NMNAT2: variants seen among roughly 807,000 people sequenced by gnomAD.
NMNAT2 encodes the protein nicotinamide/nicotinic acid mononucleotide adenylyltransferase 2.
In NMNAT2, 11 loss-of-function variants were observed where a neutral mutation model predicts 41.6. The ratio of observed to expected loss-of-function variants is 0.26; its 90% CI spans 0.17 to 0.44. NMNAT2 has a LOEUF of 0.44. Among genes scored for constraint, NMNAT2 ranks in the 20% least tolerant of loss-of-function variants. NMNAT2 has a pLI of 1.00. For missense variants in NMNAT2, 288 were observed against 407.7 expected (o/e 0.71, Z 2.53); for synonymous variants, 148 against 151.2 (o/e 0.98, Z 0.16).
chr1:183,278,435 T>C (rs1310089220), intron 8 of NMNAT2, 118 bp downstream of exon 8: 1 of 668,686 alleles, frequency 1.5e-6, no homozygotes, highest in African/African-American at 1.8e-5. Context: ...CATAGTGATG[T>C]GAACGGACTG....
chr1:183,362,625 A>G (rs1189925543), intron 1 of NMNAT2, among the ~76,000 whole-genome samples: 1 of 152,242 alleles, frequency 6.6e-6, no homozygotes, highest in Non-Finnish European at 1.5e-5. Flanking sequence ...TTATGGCTGA[A>G]TAATATTCCA....
chr1:183,382,576 A>G (rs903907708), intron 1 of NMNAT2, among the ~76,000 whole-genome samples: 1 of 152,236 alleles, frequency 6.6e-6, no homozygotes, highest in Non-Finnish European at 1.5e-5. Context: ...ATAGTTAGTT[A>G]CTTCCAAGAT....
chr1:183,261,448 TC>T (rs1304735695), intron 8 of NMNAT2, 145 bp from the exon 9 acceptor site: 1 of 694,970 alleles, frequency 1.4e-6, no homozygotes, highest in Non-Finnish European at 2.6e-6. Flanking sequence ...CTCAGCCCCA[TC>T]AGCCAGCTCC....
At chr1:183,274,099 G>C (rs1661063668) in intron 8 of NMNAT2, among the ~76,000 whole-genome samples, 1 of 151,700 alleles carries the variant, frequency 6.6e-6, no homozygotes, top group Non-Finnish European at 1.5e-5. Flanking sequence ...TTTTAGTAGA[G>C]ATGGGGTTTT....
At chr1:183,409,025 T>C (rs924683506) in intron 1 of NMNAT2, among the ~76,000 whole-genome samples, 9 of 152,268 alleles carry the variant, frequency 5.9e-5, no homozygotes, top group African/African-American at 2.2e-4. Flanking sequence ...TTCACCTCTC[T>C]GTGGGTACTA....
rs370035847 is a variant in NMNAT2, at chr1:183,393,413, T to C, written c.85+24770A>G. 3.3e-5 allele frequency among the ~76,000 whole-genome samples: 5 copies of C among 152,044 alleles called. No homozygotes were observed. The East Asian group carries it at 9.7e-4, about 29-fold the overall frequency. ...CCAGATGATGAGTGCAAACTTGGGA[T>C]GAACCTTGGAGTAAATCCTAAGTCC... On this transcript the variant is annotated intron_variant, in intron 1 of 10. Coordinates refer to ENST00000287713, the MANE Select transcript of NMNAT2 (RefSeq NM_015039.4).
At position 183,290,567 on chromosome 1, in the gene NMNAT2, G is replaced by T. The variant is rs1460174985; in HGVS notation, c.243-361C>A. 4 of 201,206 alleles carry T rather than the reference G, an allele frequency of 2.0e-5. No homozygotes were observed. The East Asian group carries it at 5.2e-4, about 26-fold the overall frequency. 12.5% of individuals were successfully genotyped at this position (201,206 alleles called of 1,614,324 possible). A position where few individuals can be genotyped will look rare whatever the true frequency, so the allele number is the denominator to read the frequency against. On this transcript the variant is annotated intron_variant, in intron 3 of 10. Transcript: ENST00000287713. The stretch of plus-strand genomic sequence containing the variant: ...ACAATAGTAACGAGCTTACAGTTTT[G>T]TTAGAAAGGCTCGGTAAGTTTTATG...
chr1:183,271,020 A>G (rs1660973972), intron 8 of NMNAT2, among the ~76,000 whole-genome samples: 1 of 152,154 alleles, frequency 6.6e-6, no homozygotes, highest in Non-Finnish European at 1.5e-5. Flanking sequence ...GGCTGGAAAA[A>G]TGTAGGATAC....
At chr1:183,401,467 G>C (rs993171658) in intron 1 of NMNAT2, among the ~76,000 whole-genome samples, 2 of 152,142 alleles carry the variant, frequency 1.3e-5, no homozygotes, top group African/African-American at 4.8e-5. Context: ...ACTGTTGGTG[G>C]GACTGTAAAC....
intron 1 of NMNAT2, among the ~76,000 whole-genome samples, chr1:183,316,532 G>A (rs1447704035): frequency 1.3e-5 from 2 of 152,084 alleles, no homozygotes; most frequent in East Asian, 3.9e-4. Flanking sequence ...TTTCTTCCTG[G>A]GCTGCTGCAG....
At chr1:183,353,016 T>A (rs376222272) in intron 1 of NMNAT2, among the ~76,000 whole-genome samples, 2 of 151,302 alleles carry the variant, frequency 1.3e-5, no homozygotes, top group African/African-American at 4.8e-5. Flanking sequence ...TACATTCTCT[T>A]TTTTTTTTGA....
intron 6 of NMNAT2, 31 bp from the exon 7 acceptor site, chr1:183,284,070 A>G (rs769752424): frequency 6.5e-7 from 1 of 1,532,498 alleles, no homozygotes; most frequent in Non-Finnish European, 8.9e-7. Context: ...GTAGGGCATT[A>G]GGGAACAGGC....
Position 183,277,320 on chromosome 1 carries a change from T to G in NMNAT2, c.651+1233A>C, listed in dbSNP as rs193254438. ...CAACATGGCAAAATTCTGTCTCTAC[T>G]AAAAATACAAAAATTAGCTGGGCGT... is the stretch of plus-strand genomic sequence containing the variant. On this transcript the variant is annotated intron_variant, in intron 8 of 10. Transcript: ENST00000287713. Among the ~76,000 whole-genome samples the G allele has an allele frequency of 3.9e-5, 6 of 152,084 alleles. No individual in the cohort carries two copies. The East Asian group carries it at 9.7e-4, about 25-fold the overall frequency.
chr1:183,277,512 C>CAAAAAAA (rs759856572), intron 8 of NMNAT2, among the ~76,000 whole-genome samples: 1 of 47,712 alleles, frequency 2.1e-5, no homozygotes, highest in Non-Finnish European at 4.8e-5. Context: ...GACTCCGTCT[C>CAAAAAAA]AAAAAAAAAA....
intron 1 of NMNAT2, among the ~76,000 whole-genome samples, chr1:183,358,865 C>G (rs549581075): frequency 9.2e-5 from 14 of 152,302 alleles, no homozygotes; most frequent in Non-Finnish European, 1.9e-4. Context: ...GGTGCAGGCT[C>G]CCCTCCAAGC....
At chr1:183,360,673 G>T (rs1010563249) in intron 1 of NMNAT2, among the ~76,000 whole-genome samples, 1 of 152,188 alleles carries the variant, frequency 6.6e-6, no homozygotes, top group African/African-American at 2.4e-5. Context: ...TGGAAAACAG[G>T]CTGAAGGAGA....
At chr1:183,296,037 A>C (rs1487261919) in intron 1 of NMNAT2, among the ~76,000 whole-genome samples, 2 of 152,032 alleles carry the variant, frequency 1.3e-5, no homozygotes, top group Non-Finnish European at 2.9e-5. Context: ...TTTAGTAGAG[A>C]TGGGGTTTCA....
chr1:183,395,301 C>T (rs900355550), intron 1 of NMNAT2, among the ~76,000 whole-genome samples: 3 of 151,692 alleles, frequency 2.0e-5, no homozygotes, highest in Admixed American at 1.3e-4. Flanking sequence ...CCTTTTCTAC[C>T]ACTCTAAATC....
intron 1 of NMNAT2, among the ~76,000 whole-genome samples, chr1:183,351,711 G>C (rs78506340): frequency 6.6e-6 from 1 of 152,192 alleles, no homozygotes; most frequent in African/African-American, 2.4e-5. Context: ...AGGCAGGCTG[G>C]AGATATGGCA....
Sources: allele counts gnomAD v4.1 joint callset (sites outside exome capture counted in the v4.1 genomes callset), GRCh38; gene constraint gnomAD v4.1.1; transcripts MANE v1.5; gene names NCBI Gene and HGNC (gene_info 2026-07-23, HGNC 2026-07-21).